Variants in CEP128 observed in about 807,000 individuals in gnomAD.
CEP128 encodes the protein centrosomal protein 128.
CEP128 carries 132 observed loss-of-function variants against 156.7 expected under a neutral mutation model. That is an observed-to-expected ratio of 0.84 (90% CI 0.73 to 0.97). The LOEUF (loss-of-function observed/expected upper bound fraction) is 0.97. Among genes scored for constraint, CEP128 ranks in the 50% least tolerant of loss-of-function variants. CEP128 has a pLI of 0.00. For missense variants in CEP128, 1,252 were observed against 1,281.9 expected (o/e 0.98, Z 0.36); for synonymous variants, 469 against 448.9 (o/e 1.04, Z -0.57).
chr14:80,709,429 C>T (rs1420819668), intron 19 of CEP128, among the ~76,000 whole-genome samples: 1 of 152,176 alleles, frequency 6.6e-6, no homozygotes, highest in Non-Finnish European at 1.5e-5. Context: ...TGAGCCACTG[C>T]ACCCAGCCAG....
chr14:80,678,024 A>T (rs1896136351), intron 19 of CEP128, among the ~76,000 whole-genome samples: 1 of 141,120 alleles, frequency 7.1e-6, no homozygotes, highest in South Asian at 2.3e-4. Flanking sequence ...TACTTTCAAC[A>T]TGGACAGTTG....
chr14:80,867,809 T>G (rs1051680747), intron 8 of CEP128, among the ~76,000 whole-genome samples: 1 of 152,114 alleles, frequency 6.6e-6, no homozygotes, highest in African/African-American at 2.4e-5. Flanking sequence ...AAAGAAATAA[T>G]AGCAGAAAAT....
intron 2 of CEP128, among the ~76,000 whole-genome samples, chr14:80,934,088 G>A (rs1006112366): frequency 2.0e-5 from 3 of 152,262 alleles, no homozygotes; most frequent in Middle Eastern, 3.4e-3. Flanking sequence ...ACCAGCTGAG[G>A]ATGTGCTACA....
intron 10 of CEP128, among the ~76,000 whole-genome samples, chr14:80,838,618 A>G (rs1054925449): frequency 6.6e-6 from 1 of 152,116 alleles, no homozygotes; most frequent in African/African-American, 2.4e-5. Flanking sequence ...GATCCCTTCC[A>G]GTTCTAAATC....
chr14:80,547,892 G>A (rs1441596507), intron 21 of CEP128, among the ~76,000 whole-genome samples: 2 of 151,462 alleles, frequency 1.3e-5, no homozygotes, highest in East Asian at 3.9e-4. Flanking sequence ...TCCGCCTCTC[G>A]GGTTCAAGCA....
At chr14:80,925,146 G>A (rs1019180430) in intron 2 of CEP128, among the ~76,000 whole-genome samples, 4 of 151,940 alleles carry the variant, frequency 2.6e-5, no homozygotes, top group African/African-American at 7.3e-5. Context: ...TTCATGGGAG[G>A]AAATATCAAA....
intron 8 of CEP128, among the ~76,000 whole-genome samples, chr14:80,894,865 C>T (rs1449985514): frequency 6.6e-6 from 1 of 151,682 alleles, no homozygotes; most frequent in Admixed American, 6.6e-5. Context: ...ATGAACTCAA[C>T]ATATCTATGT....
chr14:80,544,446 T>A (rs1167365234), intron 21 of CEP128, among the ~76,000 whole-genome samples: 2 of 152,124 alleles, frequency 1.3e-5, no homozygotes, highest in East Asian at 3.9e-4. Context: ...GCCCCCTTTT[T>A]GAGGTGTCCT....
intron 19 of CEP128, among the ~76,000 whole-genome samples, chr14:80,656,279 TTATATATATATTTATATATA>T (rs1190029317): frequency 0.012 from 545 of 47,070 alleles, 43 homozygotes; most frequent in African/African-American, 0.04. Flanking sequence ...AAGTTTTTAT[TTATATATATATTTATATATA>T]TATATATATA....
intron 13 of CEP128, among the ~76,000 whole-genome samples, chr14:80,812,600 G>A (rs1207794229): frequency 6.7e-6 from 1 of 149,658 alleles, no homozygotes; most frequent in Non-Finnish European, 1.5e-5. Context: ...ACAGAATCTC[G>A]CTCTGTTGCC....
At chr14:80,478,760 T>C (rs1003747949) in intron 14 of CEP128, among the ~76,000 whole-genome samples, 1 of 152,250 alleles carries the variant, frequency 6.6e-6, no homozygotes, top group African/African-American at 2.4e-5. Context: ...TCCCCTTCTC[T>C]GATACATAGG....
At chr14:80,635,337 A>G (rs972682489) in intron 19 of CEP128, among the ~76,000 whole-genome samples, 3 of 152,204 alleles carry the variant, frequency 2.0e-5, no homozygotes, top group African/African-American at 7.2e-5. Flanking sequence ...ACATTATAAG[A>G]TGAATTGACA....
chr14:80,557,112 A>G (rs1890468927), intron 21 of CEP128, among the ~76,000 whole-genome samples: 2 of 152,068 alleles, frequency 1.3e-5, no homozygotes, highest in Non-Finnish European at 2.9e-5. Flanking sequence ...TTTTATTTTT[A>G]CCTTTATTCT....
At chr14:80,920,621 C>T (rs1366770479) in intron 2 of CEP128, among the ~76,000 whole-genome samples, 2 of 152,208 alleles carry the variant, frequency 1.3e-5, no homozygotes, top group Non-Finnish European at 2.9e-5. Context: ...CCTATTATTT[C>T]ATTCCATGTT....
In CEP128 at chr14:80,836,346, T is replaced by C. The variant is rs776866000; in HGVS notation, c.925-9A>G. 2 of 1,613,434 alleles carry C rather than the reference T, an allele frequency of 1.2e-6. No individual in the cohort carries two copies. The highest frequency in any genetic ancestry group is 8.5e-7 in the Non-Finnish European group (1 of 1,179,758). The stretch of plus-strand genomic sequence containing the variant: ...GTACGCAGTTCTTCTACCTAACACA[T>C]GGTCAAAAATCAAACATCGGTTTTC... On this transcript the variant is annotated splice_polypyrimidine_tract_variant and intron_variant, in intron 11 of 24. Transcript: ENST00000555265.
At chr14:80,839,329 C>T (rs1261069760) in intron 10 of CEP128, among the ~76,000 whole-genome samples, 1 of 152,172 alleles carries the variant, frequency 6.6e-6, no homozygotes, top group Non-Finnish European at 1.5e-5. Context: ...CCTAAATTAT[C>T]ATTTCAGTTG....
upstream of CEP128, among the ~76,000 whole-genome samples, chr14:80,941,947 T>G (rs1481640972): frequency 1.3e-5 from 2 of 151,306 alleles, no homozygotes; most frequent in East Asian, 3.9e-4. Flanking sequence ...CTTGCCCTGC[T>G]CTATTTTTTT....
In CEP128 at chr14:80,802,169, C is replaced by T. The variant is rs184355598; in HGVS notation, c.1210-9059G>A. ...CTAGAACCAGAAATACCATTTCACC[C>T]AGCAATCCCACTACTGGGTATATAC... On this transcript the variant is annotated intron_variant, in intron 13 of 24. Coordinates refer to ENST00000555265, the MANE Select transcript of CEP128 (RefSeq NM_152446.5). Among the ~76,000 whole-genome samples the T allele has an allele frequency of 8.2e-3, 1,254 of 152,072 alleles. 15 individuals are homozygous for T. Among genetic ancestry groups the T allele is most frequent in the Non-Finnish European group, 0.01 (685 of 67,978 alleles).
intron 21 of CEP128, among the ~76,000 whole-genome samples, chr14:80,543,794 G>A (rs1311175389): frequency 2.0e-5 from 3 of 152,150 alleles, no homozygotes; most frequent in Non-Finnish European, 4.4e-5. Flanking sequence ...AAAAGAGTTG[G>A]TCTTGCCAAA....
Sources: allele counts gnomAD v4.1 joint callset (sites outside exome capture counted in the v4.1 genomes callset), GRCh38; gene constraint gnomAD v4.1.1; transcripts MANE v1.5; gene names NCBI Gene and HGNC (gene_info 2026-07-23, HGNC 2026-07-21).